Variants in RELN observed in about 807,000 individuals in gnomAD.
RELN encodes reelin.
RELN carries 108 observed loss-of-function variants against 427.6 expected under a neutral mutation model. The observed-to-expected ratio is 0.25, with a 90% CI of 0.22 to 0.30. The LOEUF (loss-of-function observed/expected upper bound fraction) is 0.30. Ranked by LOEUF, RELN falls within the 10% of genes least tolerant of loss-of-function variation. The pLI, the probability that RELN is intolerant of heterozygous loss-of-function variation, is 1.00. For missense variants in RELN, 3,715 were observed against 4,302.8 expected, an observed-to-expected ratio of 0.86 and a Z score of 3.82; for synonymous variants, 1,524 against 1,513.4, an observed-to-expected ratio of 1.01 and a Z score of -0.16.
rs540199722 is a variant in RELN at position 103,813,217 on chromosome 7, T to C, written c.473+20320A>G. ...GTCTTTTATGATCCTCTGGCTAGTCTCTCTCCCACCTCCATTATATGGTAA... is the reference window on the plus strand; with the variant it reads ...GTCTTTTATGATCCTCTGGCTAGTCCCTCTCCCACCTCCATTATATGGTAA... On this transcript the variant is annotated intron_variant, in intron 3 of 64. Coordinates refer to ENST00000428762, the MANE Select transcript of RELN (RefSeq NM_005045.4). Among the ~76,000 whole-genome samples the C allele has an allele frequency of 4.3e-4, 65 of 152,268 alleles. No homozygotes were observed. In the South Asian group the frequency reaches 0.013, roughly 30 times the overall value.
chr7:103,744,349 A>C (rs1398679903), intron 6 of RELN, among the ~76,000 whole-genome samples: 1 of 152,002 alleles, frequency 6.6e-6, no homozygotes, highest in Non-Finnish European at 1.5e-5. Flanking sequence ...TCACAATTAA[A>C]AGAACTAGAA....
At chr7:103,963,098 T>C (rs544739032) in intron 1 of RELN, among the ~76,000 whole-genome samples, 1 of 150,530 alleles carries the variant, frequency 6.6e-6, no homozygotes, top group East Asian at 2.0e-4. Context: ...CCAGGCTGCC[T>C]TAGACAGGAT....
chr7:103,757,712 C>T (rs1260405304), intron 4 of RELN, among the ~76,000 whole-genome samples: 2 of 152,210 alleles, frequency 1.3e-5, no homozygotes, highest in Non-Finnish European at 1.5e-5. Context: ...GGTCAGATGA[C>T]CAAAGGTGTG....
chr7:103,895,532 C>T lies in RELN; in HGVS notation c.337+21543G>A, dbSNP rs142797005. ...AATTTCAGTCATTTATAAAGTGGTA[C>T]ATTGAAGTCAGAAACGTATACATGC... On this transcript the variant is annotated intron_variant, in intron 2 of 64. Transcript: ENST00000428762. Among the ~76,000 whole-genome samples the T allele has an allele frequency of 9.4e-4, 143 of 152,074 alleles. 1 individual carries two copies. The highest frequency in any genetic ancestry group is 2.9e-3 in the African/African-American group (119 of 41,492).
chr7:103,709,453 T>C (rs1036223118), intron 8 of RELN, among the ~76,000 whole-genome samples: 1 of 152,256 alleles, frequency 6.6e-6, no homozygotes, highest in Admixed American at 6.5e-5. Context: ...ATAATAACCA[T>C]GTTTTTAGCC....
Position 103,654,147 on chromosome 7 carries a change from A to T in RELN, c.1500T>A (p.Ile500=). Reference sequence around the variant, plus strand: ...GTGTTATATGCTCTTTTCTTCCTTCAATTTTTGCATACAGGATTATGTCAT... The same window carrying T: ...GTGTTATATGCTCTTTTCTTCCTTCTATTTTTGCATACAGGATTATGTCAT... ...HENDIILYAK[I]EGRKEHITLD... The change falls in exon 13 of 65, where the codon ATT becomes ATA. Residue 500 remains isoleucine, a synonymous_variant. Transcript: ENST00000428762. 5 of 1,611,158 alleles carry T rather than the reference A, an allele frequency of 3.1e-6. No homozygotes were observed. The highest frequency in any genetic ancestry group is 4.2e-6 in the Non-Finnish European group (5 of 1,177,820).
At chr7:103,917,239 A>G (rs1795504664) in intron 1 of RELN, 54 bp from the exon 2 acceptor site, 1 of 1,306,902 alleles carries the variant, frequency 7.7e-7, no homozygotes, top group Non-Finnish European at 1.1e-6. Flanking sequence ...ATAACACAAT[A>G]TATTTCTGAA....
intron 3 of RELN, among the ~76,000 whole-genome samples, chr7:103,784,575 C>T (rs1791970179): frequency 6.6e-6 from 1 of 151,998 alleles, no homozygotes; most frequent in East Asian, 1.9e-4. Flanking sequence ...ACTAATGGAT[C>T]CTTGATTATG....
intron 11 of RELN, among the ~76,000 whole-genome samples, chr7:103,670,453 G>C (rs1833366860): frequency 6.6e-6 from 1 of 152,042 alleles, no homozygotes; most frequent in Non-Finnish European, 1.5e-5. Context: ...TATATTTATT[G>C]ACTAGAAGGG....
intron 2 of RELN, among the ~76,000 whole-genome samples, chr7:103,867,825 GA>G (rs1794236244): frequency 1.3e-5 from 2 of 151,914 alleles, no homozygotes; most frequent in African/African-American, 4.8e-5. Flanking sequence ...AAAAATGACC[GA>G]TTTTTTTTCT....
rs2116975803 is a variant in RELN, at chr7:103,482,898, C to A, written c.10255G>T (p.Ala3419Ser). ...RHNGTGHDQW[A>S]LDHVEVVLVS... is the part of the protein sequence containing the mutation. The stretch of plus-strand genomic sequence containing the variant: ...AGGACGACCTCCACATGGTCCAAAG[C>A]CCATTGATCATGACCTGTTCCATTG... Residue 3419 changes from alanine (A) to serine (S), a missense_variant, in exon 63 of 65, where the codon GCT becomes TCT. By Grantham distance (99) the Ala-to-Ser change is moderately conservative (BLOSUM62 1). This residue lies in a region of RELN where 195 missense variants were observed against 281.3 expected (regional missense o/e 0.69). Coordinates refer to ENST00000428762, the MANE Select transcript of RELN (RefSeq NM_005045.4). 2 of 1,614,160 alleles carry A rather than the reference C, an allele frequency of 1.2e-6. No individual in the cohort carries two copies. Among genetic ancestry groups the A allele is most frequent in the Non-Finnish European group, 8.5e-7 (1 of 1,180,016 alleles).
intron 28 of RELN, among the ~76,000 whole-genome samples, chr7:103,587,411 A>T (rs551223995): frequency 6.6e-6 from 1 of 152,294 alleles, no homozygotes; most frequent in South Asian, 2.1e-4. Context: ...ATGAGGCCCC[A>T]AACTACAAAA....
intron 3 of RELN, among the ~76,000 whole-genome samples, chr7:103,793,746 T>C (rs1249129341): frequency 2.0e-5 from 3 of 152,136 alleles, no homozygotes; most frequent in African/African-American, 7.2e-5. Flanking sequence ...TCATCGGTAG[T>C]ACAAGTGAAC....
chr7:103,808,415 AG>A (rs1211618115), intron 3 of RELN, among the ~76,000 whole-genome samples: 3 of 148,774 alleles, frequency 2.0e-5, no homozygotes, highest in Non-Finnish European at 3.0e-5. Flanking sequence ...GTATAATAAT[AG>A]AAAACAAAAC....
chr7:103,615,307 A>G (rs1256698603), intron 20 of RELN, among the ~76,000 whole-genome samples: 3 of 152,182 alleles, frequency 2.0e-5, no homozygotes, highest in African/African-American at 7.2e-5. Flanking sequence ...CCAAATGGAT[A>G]AGAGCTTAGT....
At chr7:103,926,802 A>T (rs904124627) in intron 1 of RELN, among the ~76,000 whole-genome samples, 1 of 151,612 alleles carries the variant, frequency 6.6e-6, no homozygotes, top group Non-Finnish European at 1.5e-5. Flanking sequence ...GAGCCACCAC[A>T]TCCAGCTAAT....
intron 45 of RELN, 35 bp downstream of exon 45, chr7:103,539,043 A>G (rs202159574): frequency 1.3e-5 from 21 of 1,612,684 alleles, no homozygotes; most frequent in Middle Eastern, 1.7e-4. Context: ...TCATGCCCAC[A>G]TGCCTGTCCC....
At chr7:103,727,141 C>A (rs553573526) in intron 7 of RELN, among the ~76,000 whole-genome samples, 56 of 152,158 alleles carry the variant, frequency 3.7e-4, no homozygotes, top group Admixed American at 9.2e-4. Flanking sequence ...CTAGGCACCC[C>A]CTGCCCCACA....
chr7:103,636,107 G>C (rs1286076955), intron 18 of RELN, 128 bp downstream of exon 18: 19 of 739,668 alleles, frequency 2.6e-5, no homozygotes, highest in Non-Finnish European at 3.8e-5. Flanking sequence ...TAAACTGTAG[G>C]CTCCCTCCAA....
Sources: allele counts gnomAD v4.1 joint callset (sites outside exome capture counted in the v4.1 genomes callset), GRCh38; gene constraint gnomAD v4.1.1; regional missense constraint gnomAD v4.1.1; transcripts MANE v1.5; gene names NCBI Gene and HGNC (gene_info 2026-07-23, HGNC 2026-07-21).